CNBD1: variants seen among roughly 807,000 people sequenced by gnomAD.
CNBD1 encodes the protein cyclic nucleotide-binding domain-containing protein 1.
Under a neutral mutation model 54.4 loss-of-function variants are expected in CNBD1, and 71 were observed. The ratio of observed to expected loss-of-function variants is 1.30; its 90% CI spans 1.08 to 1.59. The LOEUF (loss-of-function observed/expected upper bound fraction) is 1.59, where lower values mean the gene tolerates loss of function less well. Among genes scored for constraint, CNBD1 ranks in the 40% most tolerant of loss-of-function variants. CNBD1 has a pLI of 0.00. For synonymous variants in CNBD1, 182 were observed against 170.7 expected (o/e 1.07, Z -0.51); for missense variants, 659 against 518.0 (o/e 1.27, Z -2.64).
intron 4 of CNBD1, among the ~76,000 whole-genome samples, chr8:86,964,942 C>T (rs946071014): frequency 1.3e-5 from 2 of 152,168 alleles, no homozygotes; most frequent in African/African-American, 4.8e-5. Context: ...TATTTGCCCT[C>T]GTGTTTATGG....
chr8:87,241,373 T>C (rs13250312), intron 6 of CNBD1, among the ~76,000 whole-genome samples: 98,181 of 149,812 alleles, frequency 0.66, 32,496 homozygotes, highest in Middle Eastern at 0.72. Context: ...CGGGTTCACG[T>C]CATTCTCCTG....
intron 4 of CNBD1, among the ~76,000 whole-genome samples, chr8:86,956,855 T>C (rs1421212234): frequency 6.6e-6 from 1 of 152,166 alleles, no homozygotes; most frequent in Non-Finnish European, 1.5e-5. Flanking sequence ...AGCCAGAACT[T>C]CCAACACTCT....
intron 4 of CNBD1, among the ~76,000 whole-genome samples, chr8:87,006,478 C>T (rs1007941894): frequency 6.6e-6 from 1 of 152,132 alleles, no homozygotes; most frequent in South Asian, 2.1e-4. Flanking sequence ...GCAGGCTATA[C>T]AGGAAACATA....
intron 4 of CNBD1, among the ~76,000 whole-genome samples, chr8:87,030,352 A>C (rs997154483): frequency 6.6e-6 from 1 of 152,194 alleles, no homozygotes; most frequent in South Asian, 2.1e-4. Flanking sequence ...TAAGCATTAA[A>C]ACAGAAGATA....
intron 2 of CNBD1, among the ~76,000 whole-genome samples, chr8:87,392,054 T>C (rs1811319762): frequency 6.6e-6 from 1 of 152,038 alleles, no homozygotes; most frequent in African/African-American, 2.4e-5. Context: ...CAGAAAAAGG[T>C]ACTCACTTTC....
intron 1 of CNBD1, among the ~76,000 whole-genome samples, chr8:86,870,199 T>TTTG (rs1808422649): frequency 7.1e-6 from 1 of 141,236 alleles, no homozygotes; most frequent in Non-Finnish European, 1.5e-5. Context: ...CTTTTTTTTT[T>TTTG]TTTTTCTGAG....
intron 2 of CNBD1, among the ~76,000 whole-genome samples, chr8:87,406,488 T>A (rs902221982): frequency 2.0e-5 from 3 of 148,556 alleles, no homozygotes; most frequent in Admixed American, 6.6e-5. Context: ...ACTTTTTTTT[T>A]TTTTTTTTTG....
In CNBD1 at chr8:87,226,110, A is replaced by C. The variant is rs556411167; in HGVS notation, c.578-10809A>C. ...TATCCCCTTTACCATTTTTTATTGC[A>C]TCTGTTTGATTCTTCTCTCTTTTTT... On this transcript the variant is annotated intron_variant, in intron 5 of 10. Coordinates refer to ENST00000518476, the MANE Select transcript of CNBD1 (RefSeq NM_173538.3). Among the ~76,000 whole-genome samples, 18 of 151,950 alleles carry C rather than the reference A, an allele frequency of 1.2e-4. No individual in the cohort carries two copies. In the Middle Eastern group the frequency reaches 0.01, roughly 86 times the overall value.
chr8:87,364,425 G>T lies in CNBD1; in HGVS notation c.1303+10639G>T, dbSNP rs565991308. On this transcript the variant is annotated intron_variant, in intron 10 of 10. Coordinates refer to ENST00000518476, the MANE Select transcript of CNBD1 (RefSeq NM_173538.3). The stretch of plus-strand genomic sequence containing the variant: ...TTAGATAATTTTTTCTCTATCAAGT[G>T]TATTAAACTGTTTTACTTTTTAATT... Among the ~76,000 whole-genome samples, 10 of 151,830 alleles carry T rather than the reference G, an allele frequency of 6.6e-5. No individual in the cohort carries two copies. In the East Asian group the frequency reaches 9.7e-4, roughly 15 times the overall value.
chr8:87,042,518 G>T (rs1348472443), intron 4 of CNBD1, among the ~76,000 whole-genome samples: 1 of 152,182 alleles, frequency 6.6e-6, no homozygotes, highest in East Asian at 1.9e-4. Context: ...AGATGAGGTA[G>T]TTGGTGATTT....
chr8:86,961,249 A>G (rs111546301), intron 4 of CNBD1, among the ~76,000 whole-genome samples: 33 of 152,292 alleles, frequency 2.2e-4, no homozygotes, highest in African/African-American at 5.5e-4. Context: ...GTTTGCCCCA[A>G]TAGACAATCC....
intron 6 of CNBD1, among the ~76,000 whole-genome samples, chr8:87,241,332 G>A (rs1191465715): frequency 1.4e-5 from 2 of 143,602 alleles, no homozygotes; most frequent in African/African-American, 2.6e-5. Context: ...GTGCAGTGGC[G>A]CGATCTCGGC....
At chr8:87,085,889 A>C (rs763880435) in intron 4 of CNBD1, among the ~76,000 whole-genome samples, 9 of 152,100 alleles carry the variant, frequency 5.9e-5, no homozygotes, top group Non-Finnish European at 1.3e-4. Context: ...AGCTAGGATT[A>C]GGGTTTATTT....
At chr8:87,420,886 T>A (rs1199802052) in intron 2 of CNBD1, among the ~76,000 whole-genome samples, 1 of 152,060 alleles carries the variant, frequency 6.6e-6, no homozygotes, top group Non-Finnish European at 1.5e-5. Flanking sequence ...CTTATGATCC[T>A]TTTGTATCTC....
At chr8:87,337,292 C>T (rs1017026085) in intron 8 of CNBD1, among the ~76,000 whole-genome samples, 2 of 152,104 alleles carry the variant, frequency 1.3e-5, no homozygotes, top group African/African-American at 4.8e-5. Context: ...GTTATCAGAG[C>T]TAGGAGGAGG....
At chr8:87,146,344 C>G (rs1488166186) in intron 4 of CNBD1, among the ~76,000 whole-genome samples, 1 of 152,136 alleles carries the variant, frequency 6.6e-6, no homozygotes, top group African/African-American at 2.4e-5. Context: ...ATATTTGTGT[C>G]TACACCTTTA....
chr8:87,051,220 CATGCTAG>C (rs1249919670), intron 4 of CNBD1, among the ~76,000 whole-genome samples: 1 of 152,150 alleles, frequency 6.6e-6, no homozygotes, highest in Non-Finnish European at 1.5e-5. Flanking sequence ...CCATCACAGT[CATGCTAG>C]GGGAGGAGGG....
At chr8:87,121,406 A>G (rs1811886812) in intron 4 of CNBD1, among the ~76,000 whole-genome samples, 2 of 151,950 alleles carry the variant, frequency 1.3e-5, no homozygotes, top group South Asian at 2.1e-4. Context: ...ACAGGTCATA[A>G]TTTTATACAT....
chr8:87,261,125 A>G (rs535564802), intron 6 of CNBD1, among the ~76,000 whole-genome samples: 3 of 152,244 alleles, frequency 2.0e-5, no homozygotes, highest in African/African-American at 7.2e-5. Flanking sequence ...TTAATTCCCA[A>G]ATACAATTTG....
Sources: allele counts gnomAD v4.1 joint callset (sites outside exome capture counted in the v4.1 genomes callset), GRCh38; gene constraint gnomAD v4.1.1; transcripts MANE v1.5; gene names NCBI Gene and HGNC (gene_info 2026-07-23, HGNC 2026-07-21).